KCNIP4: variants seen among roughly 807,000 people sequenced by gnomAD.
KCNIP4 encodes the protein potassium voltage-gated channel interacting protein 4.
A neutral mutation model predicts 34.0 loss-of-function variants in KCNIP4; 12 were observed. The ratio of observed to expected loss-of-function variants is 0.35; its 90% confidence interval spans 0.23 to 0.57. The LOEUF (loss-of-function observed/expected upper bound fraction) is 0.57, where lower values mean the gene tolerates loss of function less well. KCNIP4 is among the 20% of genes least tolerant of loss of function. KCNIP4 has a pLI of 0.83. For synonymous variants in KCNIP4, 124 were observed against 102.2 expected (o/e 1.21, Z -1.29); for missense variants, 238 against 311.7 (o/e 0.76, Z 1.78).
chr4:21,557,574 C>A (rs1381117427), intron 1 of KCNIP4, among the ~76,000 whole-genome samples: 1 of 151,992 alleles, frequency 6.6e-6, no homozygotes, highest in Non-Finnish European at 1.5e-5. Flanking sequence ...GAGAGCAATG[C>A]GTCATGGGGT....
intron 1 of KCNIP4, among the ~76,000 whole-genome samples, chr4:21,768,502 C>A (rs1399479582): frequency 6.6e-6 from 1 of 152,094 alleles, no homozygotes; most frequent in Non-Finnish European, 1.5e-5. Flanking sequence ...TCCCAAGTCT[C>A]GCTCCTCATT....
intron 1 of KCNIP4, among the ~76,000 whole-genome samples, chr4:21,181,397 T>A (rs985489325): frequency 1.3e-5 from 2 of 152,126 alleles, no homozygotes; most frequent in Non-Finnish European, 2.9e-5. Context: ...ATATTTTAGC[T>A]CTTGATCACA....
intron 1 of KCNIP4, among the ~76,000 whole-genome samples, chr4:21,662,106 A>C (rs879096022): frequency 6.6e-6 from 1 of 152,022 alleles, no homozygotes; most frequent in Non-Finnish European, 1.5e-5. Flanking sequence ...CTTGTAAGCA[A>C]CCTCTACAAG....
intron 3 of KCNIP4, among the ~76,000 whole-genome samples, chr4:20,781,493 T>C (rs1181480803): frequency 1.3e-5 from 2 of 152,152 alleles, no homozygotes; most frequent in African/African-American, 4.8e-5. Flanking sequence ...GACGTACAGT[T>C]CCACATGGCT....
At chr4:21,750,823 C>A (rs1033522284) in intron 1 of KCNIP4, among the ~76,000 whole-genome samples, 8 of 152,106 alleles carry the variant, frequency 5.3e-5, no homozygotes, top group Admixed American at 3.9e-4. Flanking sequence ...CTAATGTGAG[C>A]ATTCCATTTC....
intron 1 of KCNIP4, among the ~76,000 whole-genome samples, chr4:21,085,813 G>A (rs527754566): frequency 6.6e-6 from 1 of 152,288 alleles, no homozygotes; most frequent in East Asian, 1.9e-4. Flanking sequence ...TCACACGTAT[G>A]CTAGGACATG....
chr4:21,786,809 G>A (rs936081619), intron 1 of KCNIP4, among the ~76,000 whole-genome samples: 3 of 151,802 alleles, frequency 2.0e-5, no homozygotes, highest in East Asian at 1.9e-4. Flanking sequence ...CTCATGATCC[G>A]CCCGCCTCGG....
intron 1 of KCNIP4, among the ~76,000 whole-genome samples, chr4:21,533,018 A>G (rs1287678038): frequency 1.3e-5 from 2 of 151,564 alleles, no homozygotes; most frequent in Middle Eastern, 3.2e-3. Context: ...ATATATACAT[A>G]TGTATATATA....
At chr4:21,733,194 C>G (rs1715735919) in intron 1 of KCNIP4, among the ~76,000 whole-genome samples, 1 of 152,128 alleles carries the variant, frequency 6.6e-6, no homozygotes, top group Non-Finnish European at 1.5e-5. Flanking sequence ...CTCCAGTACC[C>G]TGTTGTAATT....
At chr4:21,436,948 A>G (rs987276177) in intron 1 of KCNIP4, among the ~76,000 whole-genome samples, 1 of 152,200 alleles carries the variant, frequency 6.6e-6, no homozygotes, top group Non-Finnish European at 1.5e-5. Context: ...ACAAACCAAC[A>G]AGTCCATATT....
At chr4:21,155,003 A>G (rs554989920) in intron 1 of KCNIP4, among the ~76,000 whole-genome samples, 4 of 152,262 alleles carry the variant, frequency 2.6e-5, no homozygotes, top group Non-Finnish European at 5.9e-5. Context: ...TTTTTGCTTG[A>G]TCTTCTTTTT....
chr4:20,792,704 G>A (rs918624975), intron 3 of KCNIP4, among the ~76,000 whole-genome samples: 1 of 151,916 alleles, frequency 6.6e-6, no homozygotes, highest in Non-Finnish European at 1.5e-5. Context: ...AAATTCAAGA[G>A]CACAGAATAA....
At chr4:21,087,480 G>T (rs886620510) in intron 1 of KCNIP4, among the ~76,000 whole-genome samples, 1 of 152,042 alleles carries the variant, frequency 6.6e-6, no homozygotes, top group Non-Finnish European at 1.5e-5. Context: ...TAGACATGGG[G>T]TTTCATCATG....
chr4:21,316,955 G>A (rs965212399), intron 1 of KCNIP4, among the ~76,000 whole-genome samples: 7 of 152,082 alleles, frequency 4.6e-5, no homozygotes, highest in East Asian at 1.9e-4. Flanking sequence ...TAACTGGCTC[G>A]GGGTTTTATA....
intron 1 of KCNIP4, among the ~76,000 whole-genome samples, chr4:21,135,943 G>A (rs10025289): frequency 0.53 from 80,326 of 152,016 alleles, 21,816 homozygotes; most frequent in African/African-American, 0.64. Context: ...CTCCCTGCAA[G>A]TTAATTGGCA....
chr4:21,060,091 A>G, intron 1 of KCNIP4, among the ~76,000 whole-genome samples: 1 of 152,128 alleles, frequency 6.6e-6, no homozygotes, highest in Non-Finnish European at 1.5e-5. Flanking sequence ...TCATTATTTT[A>G]TAGTTATAGC....
At chr4:20,919,407 T>TGA (rs1553915839) in intron 1 of KCNIP4, among the ~76,000 whole-genome samples, 1 of 148,380 alleles carries the variant, frequency 6.7e-6, no homozygotes, top group Non-Finnish European at 1.5e-5. Flanking sequence ...TTTTCCACAT[T>TGA]AAAAAAAAAA....
chr4:20,730,130 C>CTGT lies in KCNIP4; in HGVS notation c.706-4_706-2dup, dbSNP rs779999949. ...GCATGGAGCGCATTATGTTTTCATC[C>CTGT]TGTAAGGGAGAAACACAGAGCGATT... On this transcript the variant is annotated splice_acceptor_variant, in intron 8 of 8. Transcript: ENST00000382152. LOFTEE classifies it high-confidence loss of function. 1 of 1,605,686 alleles carries CTGT rather than the reference C, an allele frequency of 6.2e-7. No individual in the cohort carries two copies. The highest frequency in any genetic ancestry group is 8.5e-7 in the Non-Finnish European group (1 of 1,176,866).
intron 1 of KCNIP4, among the ~76,000 whole-genome samples, chr4:21,097,539 T>G (rs1217536770): frequency 6.6e-6 from 1 of 152,126 alleles, no homozygotes; most frequent in Non-Finnish European, 1.5e-5. Flanking sequence ...TATTACAATA[T>G]TTACAACTTT....
Sources: gnomAD v4.1 joint callset for allele counts (sites outside exome capture counted in the v4.1 genomes callset) on GRCh38, gnomAD v4.1.1 for gene constraint, MANE v1.5 for transcripts, NCBI Gene and HGNC (gene_info 2026-07-23, HGNC 2026-07-21) for gene names.